The following MGAT4C variants were observed in gnomAD, a reference collection of about 807,000 sequenced individuals.
MGAT4C encodes MGAT4 family member C.
A neutral mutation model predicts 40.1 loss-of-function variants in MGAT4C; 19 were observed. That is an observed-to-expected ratio of 0.47 (90% CI 0.33 to 0.70). The LOEUF (loss-of-function observed/expected upper bound fraction) is 0.70, where lower values mean the gene tolerates loss of function less well. MGAT4C is among the 30% of genes least tolerant of loss of function. MGAT4C has a pLI of 0.02. For missense variants in MGAT4C, 491 were observed against 563.2 expected (o/e 0.87, Z 1.30); for synonymous variants, 181 against 187.1 (o/e 0.97, Z 0.27).
In MGAT4C at chr12:86,355,804, A is replaced by G. The variant is rs1314970168; in HGVS notation, c.-119-21677T>C. Among the ~76,000 whole-genome samples, 5 of 152,184 alleles carry G rather than the reference A, an allele frequency of 3.3e-5. No individual in the cohort carries two copies. The South Asian group carries it at 1.0e-3, about 32-fold the overall frequency. Reference sequence around the variant, plus strand: ...TATTAACTGAAAAATCCAGAACATTAGGGATGACAAAATAAAAACAACAGT... The same window carrying G: ...TATTAACTGAAAAATCCAGAACATTGGGGATGACAAAATAAAAACAACAGT... On this transcript the variant is annotated intron_variant, in intron 3 of 7. Coordinates refer to the MGAT4C transcript ENST00000548651.
intron 1 of MGAT4C, among the ~76,000 whole-genome samples, chr12:86,126,508 C>T (rs1880290667): frequency 6.6e-6 from 1 of 151,900 alleles, no homozygotes; most frequent in African/African-American, 2.4e-5. Context: ...AACTATTGCA[C>T]CAAGTCAAAT....
At chr12:86,201,469 T>C (rs1950047450) in intron 1 of MGAT4C, among the ~76,000 whole-genome samples, 1 of 149,326 alleles carries the variant, frequency 6.7e-6, no homozygotes, top group African/African-American at 2.4e-5. Flanking sequence ...ATATAAAACA[T>C]TTCATATTTA....
At chr12:86,789,495 T>C (rs1421087286) in intron 1 of MGAT4C, among the ~76,000 whole-genome samples, 1 of 152,142 alleles carries the variant, frequency 6.6e-6, no homozygotes, top group Non-Finnish European at 1.5e-5. Context: ...ATCCCCTTTC[T>C]TTCATGAATT....
intron 3 of MGAT4C, among the ~76,000 whole-genome samples, chr12:86,354,938 C>G (rs61950743): frequency 0.085 from 12,907 of 152,236 alleles, 762 homozygotes; most frequent in Middle Eastern, 0.22. Context: ...ACAGCATGGA[C>G]GAGAACCCAA....
chr12:86,614,065 T>A (rs1403504866), intron 2 of MGAT4C, among the ~76,000 whole-genome samples: 1 of 152,126 alleles, frequency 6.6e-6, no homozygotes, highest in Admixed American at 6.5e-5. Flanking sequence ...AAAAATGGAA[T>A]GTAAATTGGA....
intron 2 of MGAT4C, among the ~76,000 whole-genome samples, chr12:86,571,915 C>T (rs1190931063): frequency 1.3e-5 from 2 of 152,014 alleles, no homozygotes; most frequent in African/African-American, 4.8e-5. Flanking sequence ...TTATAAATCC[C>T]ATTTAAAATA....
chr12:86,577,498 T>C (rs971423801), intron 2 of MGAT4C, among the ~76,000 whole-genome samples: 5 of 151,828 alleles, frequency 3.3e-5, no homozygotes, highest in African/African-American at 1.2e-4. Context: ...TCCAGCTTTC[T>C]GAGAATTTTT....
At chr12:86,207,100 C>A (rs555311759) in intron 1 of MGAT4C, among the ~76,000 whole-genome samples, 4 of 68,650 alleles carry the variant, frequency 5.8e-5, no homozygotes, top group Non-Finnish European at 1.1e-4. Context: ...CTATGTTGGA[C>A]CCTTTTTTTT....
intron 2 of MGAT4C, among the ~76,000 whole-genome samples, chr12:86,644,245 A>G (rs1009012571): frequency 6.6e-6 from 1 of 151,776 alleles, no homozygotes; most frequent in Non-Finnish European, 1.5e-5. Flanking sequence ...ATCAATAAGA[A>G]TAAACTAAGA....
At chr12:86,601,987 C>T (rs1275071282) in intron 2 of MGAT4C, among the ~76,000 whole-genome samples, 5 of 152,160 alleles carry the variant, frequency 3.3e-5, no homozygotes, top group Non-Finnish European at 5.9e-5. Flanking sequence ...TTCCCGTTGT[C>T]CAGAAACTGG....
chr12:86,362,986 C>A (rs1955514811), intron 3 of MGAT4C, among the ~76,000 whole-genome samples: 1 of 151,656 alleles, frequency 6.6e-6, no homozygotes, highest in African/African-American at 2.4e-5. Context: ...AGGGTCAATT[C>A]ATTAAGAAGT....
At chr12:86,641,843 A>G (rs1305085367) in intron 2 of MGAT4C, among the ~76,000 whole-genome samples, 3 of 151,922 alleles carry the variant, frequency 2.0e-5, no homozygotes, top group Non-Finnish European at 4.4e-5. Flanking sequence ...AACTAAAGAT[A>G]TATCATTAAG....
chr12:86,659,082 T>C (rs188947061), intron 2 of MGAT4C, among the ~76,000 whole-genome samples: 194 of 152,250 alleles, frequency 1.3e-3, no homozygotes, highest in African/African-American at 4.5e-3. Context: ...TTGATTGTTA[T>C]AGTATAACCT....
chr12:86,625,098 A>T (rs1962761535), intron 2 of MGAT4C, among the ~76,000 whole-genome samples: 1 of 151,832 alleles, frequency 6.6e-6, no homozygotes, highest in South Asian at 2.1e-4. Context: ...TTATAAGGGG[A>T]TTTTAATGGG....
At chr12:86,731,642 G>A (rs574803028) in intron 1 of MGAT4C, among the ~76,000 whole-genome samples, 6 of 151,382 alleles carry the variant, frequency 4.0e-5, no homozygotes, top group Non-Finnish European at 1.5e-5. Flanking sequence ...GTTTCCTTAG[G>A]TGTTTTGTGA....
chr12:86,620,768 T>C (rs923726268), intron 2 of MGAT4C, among the ~76,000 whole-genome samples: 1 of 152,212 alleles, frequency 6.6e-6, no homozygotes, highest in Non-Finnish European at 1.5e-5. Context: ...GATTGAATCA[T>C]GGAGGCAGAT....
chr12:86,251,882 TCTG>T (rs1018762827), intron 1 of MGAT4C, among the ~76,000 whole-genome samples: 3 of 152,038 alleles, frequency 2.0e-5, no homozygotes, highest in Admixed American at 2.0e-4. Context: ...CAACAAATTC[TCTG>T]CTTTTAGCAG....
chr12:86,734,587 C>G (rs1474722210), intron 1 of MGAT4C, among the ~76,000 whole-genome samples: 1 of 151,940 alleles, frequency 6.6e-6, no homozygotes, highest in East Asian at 1.9e-4. Context: ...TTAATAACCC[C>G]CATAGAAAGA....
intron 4 of MGAT4C, among the ~76,000 whole-genome samples, chr12:86,297,060 G>C (rs762151387): frequency 6.6e-6 from 1 of 152,184 alleles, no homozygotes; most frequent in Non-Finnish European, 1.5e-5. Context: ...TATTTCCCTA[G>C]TGAAGTAAAG....
Sources: allele counts gnomAD v4.1 joint callset (sites outside exome capture counted in the v4.1 genomes callset), GRCh38; gene constraint gnomAD v4.1.1; transcripts MANE v1.5; gene names NCBI Gene and HGNC (gene_info 2026-07-23, HGNC 2026-07-21).